TMC1: variants seen among roughly 807,000 people sequenced by gnomAD.
The protein encoded by TMC1 is transmembrane channel-like protein 1.
TMC1 carries 84 observed loss-of-function variants against 105.8 expected under a neutral mutation model. That is an observed-to-expected ratio of 0.79 (90% confidence interval 0.67 to 0.95). TMC1 has a LOEUF of 0.95. Among genes scored for constraint, TMC1 ranks in the 40% least tolerant of loss-of-function variants. The pLI, the probability that TMC1 is intolerant of heterozygous loss-of-function variation, is 0.00. For synonymous variants in TMC1, 315 were observed against 311.5 expected (o/e 1.01, Z -0.12); for missense variants, 817 against 914.1 (o/e 0.89, Z 1.37).
At chr9:72,609,114 C>G (rs1012967020) in intron 2 of TMC1, among the ~76,000 whole-genome samples, 2 of 152,056 alleles carry the variant, frequency 1.3e-5, no homozygotes, top group Non-Finnish European at 2.9e-5. Context: ...ACACCTCCCT[C>G]TCTTCCTACC....
chr9:72,535,844 A>G (rs546005939), intron 1 of TMC1, among the ~76,000 whole-genome samples: 6 of 152,186 alleles, frequency 3.9e-5, no homozygotes, highest in Non-Finnish European at 7.3e-5. Flanking sequence ...GGCTCTTTTT[A>G]ACAACCACTT....
chr9:72,718,265 A>C (rs1826957338), intron 8 of TMC1, among the ~76,000 whole-genome samples: 1 of 151,890 alleles, frequency 6.6e-6, no homozygotes, highest in Non-Finnish European at 1.5e-5. Context: ...TTTTTTGATG[A>C]TGTTAAAGAA....
rs1827644998 is a variant in TMC1, at chr9:72,754,792, T to C, written c.649T>C (p.Trp217Arg). ...FSLIMLPEYL[W>R]GLPYGSLPRK... ...TCTTTGCTTCTTCATACAGTACCTC[T>C]GGGGTTTGCCATATGGCAGTTTACC... Residue 217 changes from tryptophan to arginine, a missense_variant, in exon 12 of 24, where the codon TGG becomes CGG. Transcript: ENST00000297784. 1 of 1,613,430 alleles carries C rather than the reference T, an allele frequency of 6.2e-7. No individual in the cohort carries two copies. The highest frequency in any genetic ancestry group is 8.5e-7 in the Non-Finnish European group (1 of 1,179,374).
At chr9:72,673,591 T>C (rs1826157048) in intron 5 of TMC1, among the ~76,000 whole-genome samples, 1 of 152,096 alleles carries the variant, frequency 6.6e-6, no homozygotes, top group Non-Finnish European at 1.5e-5. Flanking sequence ...AAAAGTGGCA[T>C]CATTACAAAT....
At chr9:72,760,263 G>A (rs1827735185) in intron 12 of TMC1, among the ~76,000 whole-genome samples, 1 of 152,006 alleles carries the variant, frequency 6.6e-6, no homozygotes, top group African/African-American at 2.4e-5. Context: ...TTGATCCTCT[G>A]AACAATGACT....
At chr9:72,822,738 A>T (rs1426632830) in intron 20 of TMC1, among the ~76,000 whole-genome samples, 5 of 152,200 alleles carry the variant, frequency 3.3e-5, no homozygotes, top group African/African-American at 1.2e-4. Flanking sequence ...ACTACTTATT[A>T]TCCAGGATAA....
At chr9:72,597,988 C>A (rs999164829) in intron 2 of TMC1, among the ~76,000 whole-genome samples, 2 of 152,096 alleles carry the variant, frequency 1.3e-5, no homozygotes, top group African/African-American at 4.8e-5. Flanking sequence ...AAAGAAAAAA[C>A]CCTCATGGGG....
At chr9:72,824,925 G>T (rs1399396002) in intron 20 of TMC1, among the ~76,000 whole-genome samples, 1 of 152,206 alleles carries the variant, frequency 6.6e-6, no homozygotes, top group African/African-American at 2.4e-5. Context: ...ATCTGCCTAG[G>T]CATTTGGCTG....
At chr9:72,800,804 G>A (rs1487608472) in intron 17 of TMC1, among the ~76,000 whole-genome samples, 1 of 152,090 alleles carries the variant, frequency 6.6e-6, no homozygotes, top group Non-Finnish European at 1.5e-5. Flanking sequence ...AAGGGAAAAG[G>A]GGTTGTGGTT....
chr9:72,726,816 TATA>T (rs1033972783), intron 8 of TMC1, among the ~76,000 whole-genome samples: 94 of 152,354 alleles, frequency 6.2e-4, no homozygotes, highest in African/African-American at 2.2e-3. Flanking sequence ...AAAAAACAGT[TATA>T]ATGCTTAGAA....
intron 17 of TMC1, among the ~76,000 whole-genome samples, chr9:72,800,080 T>C (rs376773264): frequency 6.6e-6 from 1 of 152,308 alleles, no homozygotes; most frequent in African/African-American, 2.4e-5. Flanking sequence ...TTTAGACTTC[T>C]GACTTCCAGA....
chr9:72,549,437 T>G (rs983472983), intron 1 of TMC1, among the ~76,000 whole-genome samples: 1 of 151,818 alleles, frequency 6.6e-6, no homozygotes, highest in Non-Finnish European at 1.5e-5. Flanking sequence ...ATATTAAATT[T>G]TATGTGTTTT....
In TMC1 at chr9:72,748,446, A is replaced by G. The variant is rs2501919; in HGVS notation, c.536-3404A>G. On this transcript the variant is annotated intron_variant, in intron 10 of 23. Transcript: ENST00000297784. ...AGTGGGACTAATAATACTTAACCTCATTAAGTTCTAGTGGCAGCATAATGA... is the reference window on the plus strand; with the variant it reads ...AGTGGGACTAATAATACTTAACCTCGTTAAGTTCTAGTGGCAGCATAATGA... Among the ~76,000 whole-genome samples the G allele has an allele frequency of 1.6e-4, 25 of 152,114 alleles. No homozygotes were observed. The South Asian group carries it at 4.8e-3, about 29-fold the overall frequency.
At chr9:72,738,610 G>T (rs920307022) in intron 8 of TMC1, among the ~76,000 whole-genome samples, 2 of 152,106 alleles carry the variant, frequency 1.3e-5, no homozygotes, top group Admixed American at 6.5e-5. Context: ...TAGAGGCAGG[G>T]TTTCACCATG....
At chr9:72,683,899 G>T (rs1266818239) in intron 5 of TMC1, among the ~76,000 whole-genome samples, 1 of 149,556 alleles carries the variant, frequency 6.7e-6, no homozygotes, top group Non-Finnish European at 1.5e-5. Flanking sequence ...TTCTCTTTCT[G>T]TTTCTCTCCT....
chr9:72,825,980 G>A (rs1372430670), intron 20 of TMC1, among the ~76,000 whole-genome samples: 1 of 152,098 alleles, frequency 6.6e-6, no homozygotes, highest in Admixed American at 6.5e-5. Flanking sequence ...GCGTGTCATT[G>A]TTATTTAGTA....
At chr9:72,588,093 T>C (rs192617325) in intron 2 of TMC1, among the ~76,000 whole-genome samples, 176 of 151,816 alleles carry the variant, frequency 1.2e-3, no homozygotes, top group African/African-American at 3.3e-3. Flanking sequence ...CCAGAGAGAG[T>C]GCATTTTTGT....
intron 8 of TMC1, among the ~76,000 whole-genome samples, chr9:72,727,929 G>T (rs1360309067): frequency 6.6e-6 from 1 of 152,038 alleles, no homozygotes; most frequent in Admixed American, 6.5e-5. Context: ...ACTATCCAGA[G>T]AGACATTTAT....
intron 2 of TMC1, among the ~76,000 whole-genome samples, chr9:72,615,537 A>T (rs1369477789): frequency 1.3e-5 from 2 of 152,198 alleles, no homozygotes; most frequent in Admixed American, 1.3e-4. Flanking sequence ...TAGGGAAATC[A>T]CATAACTGCT....
Sources: allele counts gnomAD v4.1 joint callset (sites outside exome capture counted in the v4.1 genomes callset), GRCh38; gene constraint gnomAD v4.1.1; transcripts MANE v1.5; gene names NCBI Gene and HGNC (gene_info 2026-07-23, HGNC 2026-07-21).